The following UBA2 variants were observed in gnomAD, a reference collection of about 807,000 sequenced individuals.
The protein encoded by UBA2 is ubiquitin like modifier activating enzyme 2.
Under a neutral mutation model 77.2 loss-of-function variants are expected in UBA2, and 11 were observed. The ratio of observed to expected loss-of-function variants is 0.14; its 90% confidence interval spans 0.09 to 0.24. The LOEUF is 0.24. Ranked by LOEUF, UBA2 falls within the 10% of genes least tolerant of loss-of-function variation. The pLI is 1.00. For missense variants in UBA2, 487 were observed against 781.7 expected, an observed-to-expected ratio of 0.62 and a Z score of 4.50; for synonymous variants, 278 against 276.7, an observed-to-expected ratio of 1.00 and a Z score of -0.05.
rs1250735253 is a variant in UBA2 at position 34,470,384 on chromosome 19, G to A, written c.*1163G>A. 1 of 152,164 alleles carries A rather than the reference G, an allele frequency of 6.6e-6. No homozygotes were observed. Among genetic ancestry groups the A allele is most frequent in the Non-Finnish European group, 1.5e-5 (1 of 68,036 alleles). The allele number at this position is 152,164 out of a possible 1,614,324, so 9.4% of individuals were successfully genotyped here. On this transcript the variant is annotated 3_prime_UTR_variant, in exon 17 of 17. Transcript: ENST00000246548. The stretch of plus-strand genomic sequence containing the variant: ...AGCTCTTCCTGCGTGTGGTGGTGGT[G>A]CACATCTGTGTTCCAGCTACTCAGG...
chr19:34,435,236 A>T (rs1041402612), intron 5 of UBA2, among the ~76,000 whole-genome samples: 2 of 152,066 alleles, frequency 1.3e-5, no homozygotes, highest in African/African-American at 4.8e-5. Flanking sequence ...CATCTCTACT[A>T]AAAATACAAA....
intron 6 of UBA2, 81 bp from the exon 7 acceptor site, chr19:34,443,763 T>G: frequency 9.9e-7 from 1 of 1,005,624 alleles, no homozygotes. Context: ...TTATCTCTGC[T>G]AAATATTTGG....
chr19:34,452,384 T>G (rs1244886757), intron 10 of UBA2, among the ~76,000 whole-genome samples: 2 of 152,198 alleles, frequency 1.3e-5, no homozygotes, highest in Non-Finnish European at 2.9e-5. Context: ...GGTTTATAAT[T>G]ATGTTGACTA....
rs921389516 is a variant in UBA2 at position 34,440,950 on chromosome 19, A to G, written c.581+2184A>G. 1.1e-4 allele frequency among the ~76,000 whole-genome samples: 16 copies of G among 151,220 alleles called. No individual in the cohort carries two copies. The East Asian group carries it at 1.7e-3, about 16-fold the overall frequency. On this transcript the variant is annotated intron_variant, in intron 6 of 16. Transcript: ENST00000246548. ...CAAAAAAAAAAAAAAAAAAATTACC[A>G]TATGGATCTAGAATCATATAAAATA...
rs1184297228 is a variant in UBA2 at position 34,431,244 on chromosome 19, C to CTTTTTTTTTTT, written c.222+599_223-593dup. On this transcript the variant is annotated intron_variant, in intron 2 of 16. Coordinates refer to ENST00000246548, the MANE Select transcript of UBA2 (RefSeq NM_005499.3). ...TTTACTTTTCCTATCATTTTCTTTT[C>CTTTTTTTTTTT]TTTTTTTTTTTTTTTTTTTTTTTTA... Among the ~76,000 whole-genome samples the CTTTTTTTTTTT allele has an allele frequency of 1.6e-3, 108 of 69,352 alleles. 3 individuals are homozygous for CTTTTTTTTTTT. Among genetic ancestry groups the CTTTTTTTTTTT allele is most frequent in the Admixed American group, 2.2e-3 (9 of 4,020 alleles). 45.5% of individuals were successfully genotyped at this position (69,352 alleles called of 152,430 possible).
At chr19:34,464,913 C>T (rs960379170) in intron 15 of UBA2, among the ~76,000 whole-genome samples, 13 of 151,986 alleles carry the variant, frequency 8.6e-5, no homozygotes, top group Non-Finnish European at 1.8e-4. Context: ...AGTTTGAGAC[C>T]AGCCTGGCCA....
Position 34,438,728 on chromosome 19 carries a change from A to G in UBA2, c.543A>G (p.Glu181=). The G allele has an allele frequency of 6.2e-7, 1 of 1,614,108 alleles. No homozygotes were observed. The highest frequency in any genetic ancestry group is 8.5e-7 in the Non-Finnish European group (1 of 1,180,022). The change falls in exon 6 of 17, where the codon GAA becomes GAG. Residue 181 remains glutamate (E), a synonymous_variant. Coordinates refer to ENST00000246548, the MANE Select transcript of UBA2 (RefSeq NM_005499.3). ...GTACAATTCGTAACACACCTTCAGA[A>G]CCTATACATTGCATCGTTTGGGCAA... is the stretch of plus-strand genomic sequence containing the variant. ...PGCTIRNTPS[E]PIHCIVWAKY...
intron 1 of UBA2, chr19:34,429,019 G>A: frequency 1.0e-6 from 1 of 985,206 alleles, no homozygotes; most frequent in Non-Finnish European, 1.2e-6. Flanking sequence ...AACGCGTCCC[G>A]AGCGCTGGTC....
At chr19:34,455,608 T>C (rs2075549713) in intron 12 of UBA2, among the ~76,000 whole-genome samples, 1 of 152,186 alleles carries the variant, frequency 6.6e-6, no homozygotes, top group African/African-American at 2.4e-5. Context: ...TAGTTTGCAA[T>C]GGTACTGTTA....
In UBA2 at chr19:34,434,870, G is replaced by A. The variant is rs781352231; in HGVS notation, c.361G>A (p.Ala121Thr). 2 of 1,597,740 alleles carry A rather than the reference G, an allele frequency of 1.3e-6. No homozygotes were observed. The highest frequency in any genetic ancestry group is 3.4e-5 in the Admixed American group (2 of 58,764). The change falls in exon 5 of 17, where the codon GCC becomes ACC. Residue 121 changes from alanine (A) to threonine (T), a missense_variant and splice_region_variant. Ala to Thr is a moderately conservative substitution (Grantham distance 58). Around this residue, in one of 9 missense-constraint regions of UBA2, gnomAD observed 66 missense variants for 112.0 expected, o/e 0.59. Coordinates refer to ENST00000246548, the MANE Select transcript of UBA2 (RefSeq NM_005499.3). Reference sequence around the variant, plus strand: ...CATACTGTTTGTTTTACTTCCAGCTGCCCGAAACCATGTTAATAGAATGTG... The same window carrying A: ...CATACTGTTTGTTTTACTTCCAGCTACCCGAAACCATGTTAATAGAATGTG... The part of the protein sequence containing the change: ...LVMNALDNRA[A>T]RNHVNRMCLA...
chr19:34,442,918 G>T lies in UBA2; in HGVS notation c.582-926G>T, dbSNP rs533540119. Among the ~76,000 whole-genome samples the T allele has an allele frequency of 5.9e-5, 9 of 152,160 alleles. No individual in the cohort carries two copies. The South Asian group carries it at 1.9e-3, about 32-fold the overall frequency. ...GCTTTGAAATTATAGTTGGGTGGGGGGTTGTACAAAGGATTTCTGTAAGAT... is the reference window on the plus strand; with the variant it reads ...GCTTTGAAATTATAGTTGGGTGGGGTGTTGTACAAAGGATTTCTGTAAGAT... On this transcript the variant is annotated intron_variant, in intron 6 of 16. Transcript: ENST00000246548.
At chr19:34,465,872 A>G (rs1248942391) in intron 15 of UBA2, among the ~76,000 whole-genome samples, 1 of 152,164 alleles carries the variant, frequency 6.6e-6, no homozygotes, top group Non-Finnish European at 1.5e-5. Context: ...CATATTTTTT[A>G]GCTCTCTGGG....
At chr19:34,431,069 C>T (rs759051596) in intron 2 of UBA2, among the ~76,000 whole-genome samples, 1 of 151,992 alleles carries the variant, frequency 6.6e-6, no homozygotes, top group African/African-American at 2.4e-5. Flanking sequence ...AGTCTTAAAA[C>T]ATCTTTTCCC....
At chr19:34,467,247 T>TA in intron 16 of UBA2, 2 of 441,470 alleles carry the variant, frequency 4.5e-6, no homozygotes, top group South Asian at 8.3e-5. Flanking sequence ...ATGGGAGTAT[T>TA]ACTTGAGGCC....
intron 8 of UBA2, among the ~76,000 whole-genome samples, chr19:34,446,114 A>T (rs1317293487): frequency 6.6e-6 from 1 of 152,046 alleles, no homozygotes; most frequent in Non-Finnish European, 1.5e-5. Flanking sequence ...CCTGGGTTCA[A>T]GCGATCCTCC....
intron 9 of UBA2, among the ~76,000 whole-genome samples, chr19:34,450,772 C>T (rs576603575): frequency 2.8e-3 from 327 of 117,260 alleles, no homozygotes; most frequent in Non-Finnish European, 4.2e-3. Context: ...TTTTTGAGAC[C>T]GTGTCTCGCT....
intron 3 of UBA2, 128 bp downstream of exon 3, chr19:34,432,059 C>T: frequency 3.1e-6 from 2 of 637,944 alleles, no homozygotes; most frequent in Non-Finnish European, 5.2e-6. Flanking sequence ...GTGGTTTCTG[C>T]TTACAGAGTG....
At chr19:34,445,489 G>A (rs1026387376) in intron 8 of UBA2, among the ~76,000 whole-genome samples, 8 of 144,332 alleles carry the variant, frequency 5.5e-5, no homozygotes, top group African/African-American at 1.8e-4. Context: ...GCCCAGGCTG[G>A]AGTGCAGTGG....
At chr19:34,459,196 T>C (rs1384508574) in intron 13 of UBA2, among the ~76,000 whole-genome samples, 2 of 152,180 alleles carry the variant, frequency 1.3e-5, no homozygotes, top group Non-Finnish European at 1.5e-5. Flanking sequence ...ACTTCTTTGC[T>C]CTTTGCTTCC....
Sources: gnomAD v4.1 joint callset for allele counts (sites outside exome capture counted in the v4.1 genomes callset) on GRCh38, gnomAD v4.1.1 for gene constraint, gnomAD v4.1.1 regional missense constraint, MANE v1.5 for transcripts, NCBI Gene and HGNC (gene_info 2026-07-23, HGNC 2026-07-21) for gene names.